Variants in ITGA1 observed in about 807,000 individuals in gnomAD.
ITGA1 encodes the protein integrin subunit alpha 1, also known as integrin alpha-1.
ITGA1 carries 85 observed loss-of-function variants against 145.9 expected under a neutral mutation model. The ratio of observed to expected loss-of-function variants is 0.58; its 90% CI spans 0.49 to 0.70. ITGA1 has a LOEUF of 0.70. Ranked by LOEUF, ITGA1 falls within the 30% of genes least tolerant of loss-of-function variation. The pLI, the probability that ITGA1 is intolerant of heterozygous loss-of-function variation, is 0.00. For missense variants in ITGA1, 1,351 were observed against 1,418.7 expected, an observed-to-expected ratio of 0.95 and a Z score of 0.77; for synonymous variants, 520 against 495.3, an observed-to-expected ratio of 1.05 and a Z score of -0.66.
chr5:52,916,859 G>A (rs1299119651), intron 15 of ITGA1, among the ~76,000 whole-genome samples: 1 of 152,096 alleles, frequency 6.6e-6, no homozygotes, highest in Non-Finnish European at 1.5e-5. Flanking sequence ...TTAAAAATAT[G>A]TTTTCAGGGT....
chr5:52,859,151 G>A (rs751617408), intron 2 of ITGA1, among the ~76,000 whole-genome samples: 7 of 151,900 alleles, frequency 4.6e-5, no homozygotes, highest in Non-Finnish European at 1.0e-4. Flanking sequence ...ATAGTAATTT[G>A]GTGTCTTTCA....
intron 22 of ITGA1, 36 bp downstream of exon 22, chr5:52,932,172 C>T (rs1750902099): frequency 1.6e-6 from 2 of 1,277,554 alleles, no homozygotes; most frequent in South Asian, 2.4e-5. Flanking sequence ...GGATGCCTTT[C>T]TATTAACCCA....
intron 1 of ITGA1, among the ~76,000 whole-genome samples, chr5:52,823,140 G>A (rs543534202): frequency 4.6e-5 from 7 of 152,194 alleles, no homozygotes; most frequent in South Asian, 2.1e-4. Context: ...GACAAGCCTC[G>A]GAGAGAGATA....
intron 16 of ITGA1, among the ~76,000 whole-genome samples, chr5:52,919,221 A>T (rs895920217): frequency 5.3e-5 from 8 of 152,138 alleles, no homozygotes; most frequent in African/African-American, 1.7e-4. Flanking sequence ...TTAGAAATTG[A>T]GCTACAAATG....
intron 2 of ITGA1, among the ~76,000 whole-genome samples, chr5:52,853,756 T>C (rs10940274): frequency 0.68 from 103,807 of 152,140 alleles, 37,247 homozygotes; most frequent in African/African-American, 0.92. Context: ...TAAGATCAGC[T>C]GTTGTTCATT....
chr5:52,813,369 C>T (rs1156608200), intron 1 of ITGA1, among the ~76,000 whole-genome samples: 1 of 152,212 alleles, frequency 6.6e-6, no homozygotes, highest in Non-Finnish European at 1.5e-5. Flanking sequence ...ATCTCCTTAA[C>T]TGCTCAGCCT....
At chr5:52,847,986 T>C (rs1226338077) in intron 1 of ITGA1, among the ~76,000 whole-genome samples, 1 of 152,230 alleles carries the variant, frequency 6.6e-6, no homozygotes, top group Non-Finnish European at 1.5e-5. Context: ...GAGACAGTCT[T>C]ACTTACTAAG....
intron 21 of ITGA1, among the ~76,000 whole-genome samples, chr5:52,930,817 A>T (rs973377056): frequency 2.0e-5 from 3 of 152,172 alleles, no homozygotes; most frequent in Non-Finnish European, 2.9e-5. Context: ...TGTGCATTCT[A>T]TCATATTACG....
rs1751275014 is a variant in ITGA1 at position 52,954,541 on chromosome 5, TA to T, written c.*2092del. 1 of 152,166 alleles carries T rather than the reference TA, an allele frequency of 6.6e-6. No individual in the cohort carries two copies. The highest frequency in any genetic ancestry group is 2.4e-5 in the African/African-American group (1 of 41,444). 9.4% of individuals were successfully genotyped at this position (152,166 alleles called of 1,614,324 possible). ...TATAAGCCCGGCACAATTTTTAACA[TA>T]AGTCATTCCTGGCTATTAAGTAAAA... is the stretch of plus-strand genomic sequence containing the variant. On this transcript the variant is annotated 3_prime_UTR_variant, in exon 29 of 29. Coordinates refer to ENST00000282588, the MANE Select transcript of ITGA1 (RefSeq NM_181501.2).
intron 2 of ITGA1, among the ~76,000 whole-genome samples, chr5:52,853,593 A>G (rs1162629448): frequency 1.3e-5 from 2 of 152,212 alleles, no homozygotes; most frequent in South Asian, 2.1e-4. Context: ...TTTGAAAAAC[A>G]TAGCTTTAAT....
intron 11 of ITGA1, chr5:52,904,448 C>G (rs558961880): frequency 1.3e-5 from 2 of 151,538 alleles, no homozygotes; most frequent in South Asian, 4.2e-4. Flanking sequence ...CAGAAGAAAC[C>G]GAAGAAACAA....
chr5:52,949,024 ATTC>A (rs1273827813), intron 28 of ITGA1: 2 of 152,178 alleles, frequency 1.3e-5, no homozygotes, highest in African/African-American at 4.8e-5. Flanking sequence ...GTGTTGATAC[ATTC>A]TGACAGCTTC....
At chr5:52,807,580 T>C (rs1012257562) in intron 1 of ITGA1, among the ~76,000 whole-genome samples, 2 of 152,210 alleles carry the variant, frequency 1.3e-5, no homozygotes, top group African/African-American at 4.8e-5. Context: ...AAATAAATTA[T>C]TTGATGACAC....
At chr5:52,938,528 C>T (rs1751005676) in intron 24 of ITGA1, among the ~76,000 whole-genome samples, 1 of 152,040 alleles carries the variant, frequency 6.6e-6, no homozygotes, top group Non-Finnish European at 1.5e-5. Context: ...AAAAAATAAG[C>T]CTTTGGAATT....
chr5:52,832,431 A>T (rs1749085926), intron 1 of ITGA1, among the ~76,000 whole-genome samples: 1 of 152,204 alleles, frequency 6.6e-6, no homozygotes, highest in East Asian at 1.9e-4. Flanking sequence ...ATGCCAAAAA[A>T]GGTAGTTGTT....
At chr5:52,889,119 T>TTTTA (rs79223175) in intron 8 of ITGA1, among the ~76,000 whole-genome samples, 1 of 151,682 alleles carries the variant, frequency 6.6e-6, no homozygotes, top group Non-Finnish European at 1.5e-5. Context: ...TTTTTTTTTT[T>TTTTA]AAATGGAGTC....
chr5:52,791,617 C>T (rs1375228310), intron 1 of ITGA1, among the ~76,000 whole-genome samples: 3 of 152,090 alleles, frequency 2.0e-5, no homozygotes, highest in African/African-American at 4.8e-5. Context: ...AACTTAACCC[C>T]GAAATGTATT....
intron 6 of ITGA1, among the ~76,000 whole-genome samples, chr5:52,874,193 A>G (rs1237138510): frequency 6.6e-6 from 1 of 152,194 alleles, no homozygotes; most frequent in Non-Finnish European, 1.5e-5. Context: ...AGAAACAGGA[A>G]TGGAAGCAGC....
chr5:52,924,545 A>G (rs1279829803), intron 18 of ITGA1, among the ~76,000 whole-genome samples: 1 of 152,250 alleles, frequency 6.6e-6, no homozygotes, highest in East Asian at 1.9e-4. Context: ...GTGCCACTGC[A>G]CAAATTCTAA....
Sources: gnomAD v4.1 joint callset for allele counts (sites outside exome capture counted in the v4.1 genomes callset) on GRCh38, gnomAD v4.1.1 for gene constraint, MANE v1.5 for transcripts, NCBI Gene and HGNC (gene_info 2026-07-23, HGNC 2026-07-21) for gene names.